HIKESHI: variants seen among roughly 807,000 people sequenced by gnomAD.
The protein encoded by HIKESHI is heat shock protein nuclear import factor hikeshi.
Under a neutral mutation model 25.7 loss-of-function variants are expected in HIKESHI, and 13 were observed. The observed-to-expected ratio is 0.51, with a 90% CI of 0.33 to 0.80. The LOEUF is 0.80. HIKESHI is among the 30% of genes least tolerant of loss of function. The pLI, the probability that HIKESHI is intolerant of heterozygous loss-of-function variation, is 0.02. For synonymous variants in HIKESHI, 76 were observed against 78.7 expected, an observed-to-expected ratio of 0.97 and a Z score of 0.18; for missense variants, 174 against 229.5, an observed-to-expected ratio of 0.76 and a Z score of 1.56.
chr11:86,307,340 T>C (rs5029013), intron 2 of HIKESHI, among the ~76,000 whole-genome samples: 6,250 of 48,870 alleles, frequency 0.13, 1,542 homozygotes, highest in African/African-American at 0.15. Context: ...TAATATACAT[T>C]ATATATCAAA....
chr11:86,309,174 A>G (rs1946765710), intron 2 of HIKESHI, among the ~76,000 whole-genome samples: 1 of 152,160 alleles, frequency 6.6e-6, no homozygotes, highest in African/African-American at 2.4e-5. Flanking sequence ...GAACTAGTTT[A>G]CAGTCCCACC....
chr11:86,308,251 ATATTACATATAAAATGTG>A lies in HIKESHI; in HGVS notation c.268+1775_268+1792del, dbSNP rs1565720436. On this transcript the variant is annotated intron_variant, in intron 2 of 4. Coordinates refer to ENST00000278483, the MANE Select transcript of HIKESHI (RefSeq NM_016401.4). Reference sequence around the variant, plus strand: ...AAAATATATATTATATATAAAATATATATTACATATAAAATGTGTATTATATATAAAATATATATTACA... The same window carrying A: ...AAAATATATATTATATATAAAATATATATTATATATAAAATATATATTACA... Among the ~76,000 whole-genome samples the A allele has an allele frequency of 2.0e-4, 23 of 114,946 alleles. 3 individuals are homozygous for A. The highest frequency in any genetic ancestry group is 4.7e-4 in the Admixed American group (5 of 10,634). 75.4% of individuals were successfully genotyped at this position (114,946 alleles called of 152,430 possible).
At chr11:86,306,722 G>A (rs912596536) in intron 2 of HIKESHI, among the ~76,000 whole-genome samples, 7 of 151,504 alleles carry the variant, frequency 4.6e-5, no homozygotes, top group Non-Finnish European at 1.0e-4. Context: ...TTTTTTGGCC[G>A]GGCGCGGCGG....
chr11:86,326,877 C>G (rs541917471), intron 2 of HIKESHI, among the ~76,000 whole-genome samples: 7 of 152,174 alleles, frequency 4.6e-5, no homozygotes, highest in Admixed American at 3.9e-4. Flanking sequence ...GATGATCATG[C>G]TAATGTGGGG....
At chr11:86,324,604 T>G (rs1417482964) in intron 2 of HIKESHI, among the ~76,000 whole-genome samples, 1 of 152,210 alleles carries the variant, frequency 6.6e-6, no homozygotes, top group East Asian at 1.9e-4. Flanking sequence ...AGATTAGGCT[T>G]AGTATTCATA....
intron 2 of HIKESHI, among the ~76,000 whole-genome samples, chr11:86,310,030 G>T (rs540351165): frequency 4.5e-4 from 67 of 149,136 alleles, no homozygotes; most frequent in African/African-American, 1.7e-3. Flanking sequence ...TTTGGCTTAG[G>T]ATTGTCTTGG....
At chr11:86,325,179 A>G (rs947028150) in intron 2 of HIKESHI, among the ~76,000 whole-genome samples, 2 of 151,812 alleles carry the variant, frequency 1.3e-5, no homozygotes, top group Non-Finnish European at 2.9e-5. Flanking sequence ...CCCTGTCTCA[A>G]AAAAAAAGGA....
intron 2 of HIKESHI, among the ~76,000 whole-genome samples, chr11:86,315,594 C>G (rs1212577360): frequency 6.6e-6 from 1 of 152,174 alleles, no homozygotes; most frequent in Non-Finnish European, 1.5e-5. Flanking sequence ...GCTGGGATTA[C>G]AGGCATGAGC....
In HIKESHI at chr11:86,333,950, C is replaced by T. The variant is rs1258636117; in HGVS notation, c.269-3429C>T. On this transcript the variant is annotated intron_variant, in intron 2 of 4. Coordinates refer to ENST00000278483, the MANE Select transcript of HIKESHI (RefSeq NM_016401.4). ...GTATTATATTATGGCAATGTAGATGCCAAAAAAAGAACAAGATACAACCAT... is the reference window on the plus strand; with the variant it reads ...GTATTATATTATGGCAATGTAGATGTCAAAAAAAGAACAAGATACAACCAT... Among the ~76,000 whole-genome samples, 6 of 147,828 alleles carry T rather than the reference C, an allele frequency of 4.1e-5. No homozygotes were observed. In the East Asian group the frequency reaches 1.1e-3, roughly 28 times the overall value.
chr11:86,303,782 T>C (rs898156055), intron 1 of HIKESHI, among the ~76,000 whole-genome samples: 1 of 152,208 alleles, frequency 6.6e-6, no homozygotes, highest in African/African-American at 2.4e-5. Flanking sequence ...AAAATCTACT[T>C]ATCTAAACTT....
At position 86,344,566 on chromosome 11, in the gene HIKESHI, T is replaced by C. The variant is rs543736607; in HGVS notation, c.421-37T>C. On this transcript the variant is annotated intron_variant, in intron 3 of 4. Transcript: ENST00000278483. ...AAAATATTGAGTTCTAAATGAAGTA[T>C]TCAGTATAATCCATTAATCTATTAT... is the stretch of plus-strand genomic sequence containing the variant. The C allele has an allele frequency of 2.1e-4, 243 of 1,175,182 alleles. 2 individuals are homozygous for C. The South Asian group carries it at 3.1e-3, about 15-fold the overall frequency. 72.8% of individuals were successfully genotyped at this position (1,175,182 alleles called of 1,614,324 possible). A position where few individuals can be genotyped will look rare whatever the true frequency, so the allele number is the denominator to read the frequency against.
At chr11:86,313,119 A>G (rs551802760) in intron 2 of HIKESHI, among the ~76,000 whole-genome samples, 1 of 152,316 alleles carries the variant, frequency 6.6e-6, no homozygotes, top group South Asian at 2.1e-4. Context: ...GCATTTTGTG[A>G]AGAAATGTGA....
At chr11:86,336,455 TTAGAG>T (rs1171214509) in intron 2 of HIKESHI, among the ~76,000 whole-genome samples, 1 of 152,148 alleles carries the variant, frequency 6.6e-6, no homozygotes, top group African/African-American at 2.4e-5. Context: ...ATTACCACTC[TTAGAG>T]TAATAAGAAG....
At chr11:86,332,882 A>G (rs1947459375) in intron 2 of HIKESHI, among the ~76,000 whole-genome samples, 1 of 152,240 alleles carries the variant, frequency 6.6e-6, no homozygotes, top group African/African-American at 2.4e-5. Context: ...CATTGCATTA[A>G]CCTACAATTT....
chr11:86,317,691 A>G (rs1947025583), intron 2 of HIKESHI, among the ~76,000 whole-genome samples: 1 of 152,082 alleles, frequency 6.6e-6, no homozygotes, highest in Non-Finnish European at 1.5e-5. Flanking sequence ...CTGTTGTCCC[A>G]GCACTCGAGA....
chr11:86,311,518 A>T (rs182402903), intron 2 of HIKESHI, among the ~76,000 whole-genome samples: 2 of 152,196 alleles, frequency 1.3e-5, no homozygotes, highest in Non-Finnish European at 2.9e-5. Flanking sequence ...CAGCTCCTGG[A>T]TTCATTGATT....
At position 86,338,407 on chromosome 11, in the gene HIKESHI, T is replaced by C. The variant is rs574613999; in HGVS notation, c.420+877T>C. ...GCAGCATATATGGAGGTGTTCACTT[T>C]AGACAGGATAATGGATATATGGGTA... On this transcript the variant is annotated intron_variant, in intron 3 of 4. Coordinates refer to ENST00000278483, the MANE Select transcript of HIKESHI (RefSeq NM_016401.4). 2.8e-5 allele frequency among the ~76,000 whole-genome samples: 4 copies of C among 142,960 alleles called. 1 individual carries two copies. In the South Asian group the frequency reaches 6.2e-4, roughly 22 times the overall value. 93.8% of individuals were successfully genotyped at this position (142,960 alleles called of 152,430 possible).
intron 2 of HIKESHI, among the ~76,000 whole-genome samples, chr11:86,329,071 AC>A (rs900888254): frequency 2.0e-5 from 3 of 150,594 alleles, no homozygotes; most frequent in Non-Finnish European, 4.4e-5. Flanking sequence ...CTTTTCCTCC[AC>A]TCCTTTCCTA....
intron 2 of HIKESHI, among the ~76,000 whole-genome samples, chr11:86,308,450 A>T (rs1315905416): frequency 6.8e-6 from 1 of 147,548 alleles, no homozygotes; most frequent in Middle Eastern, 3.3e-3. Flanking sequence ...TGTATAAAGC[A>T]AATAGAATAG....
Sources: allele counts gnomAD v4.1 joint callset (sites outside exome capture counted in the v4.1 genomes callset), GRCh38; gene constraint gnomAD v4.1.1; transcripts MANE v1.5; gene names NCBI Gene and HGNC (gene_info 2026-07-23, HGNC 2026-07-21).